EIF5B: variants seen among roughly 807,000 people sequenced by gnomAD.
The protein encoded by EIF5B is eukaryotic translation initiation factor 5B, also known as eIF-5B.
EIF5B carries 47 observed loss-of-function variants against 147.5 expected under a neutral mutation model. The ratio of observed to expected loss-of-function variants is 0.32; its 90% CI spans 0.25 to 0.41. The LOEUF is 0.41. EIF5B is among the 10% of genes least tolerant of loss of function. EIF5B has a pLI of 1.00. For synonymous variants in EIF5B, 455 were observed against 456.2 expected (o/e 1.00, Z 0.03); for missense variants, 1,064 against 1,413.2 (o/e 0.75, Z 3.96).
At position 99,373,814 on chromosome 2, in the gene EIF5B, T is replaced by C. The variant is rs574392243; in HGVS notation, c.1552+2084T>C. 3.3e-5 allele frequency among the ~76,000 whole-genome samples: 5 copies of C among 152,340 alleles called. No individual in the cohort carries two copies. In the East Asian group the frequency reaches 7.7e-4, roughly 23 times the overall value. ...TAATCATCTTTTGGTTACTAGGTTT[T>C]TAAATTTTTATTTTTTTTTCCTTTC... On this transcript the variant is annotated intron_variant, in intron 9 of 23. Coordinates refer to ENST00000289371, the MANE Select transcript of EIF5B (RefSeq NM_015904.4).
At position 99,394,610 on chromosome 2, in the gene EIF5B, G is replaced by C. The variant is rs1488025121; in HGVS notation, c.3089+25G>C. On this transcript the variant is annotated intron_variant, in intron 20 of 23. Coordinates refer to ENST00000289371, the MANE Select transcript of EIF5B (RefSeq NM_015904.4). ...AGTAAGTAATTTCTCTTGCTATGAA[G>C]GCTTTCATGTTACGTAGCTATCTTA... 8 of 1,613,648 alleles carry C rather than the reference G, an allele frequency of 5.0e-6. No individual in the cohort carries two copies. In the Admixed American group the frequency reaches 1.2e-4, roughly 24 times the overall value.
chr2:99,370,261 T>TA (rs540794954), intron 8 of EIF5B, among the ~76,000 whole-genome samples: 20 of 149,408 alleles, frequency 1.3e-4, no homozygotes, highest in East Asian at 2.0e-4. Flanking sequence ...TCTCTGGTTT[T>TA]AAAAAAAAAA....
chr2:99,361,674 A>G lies in EIF5B; in HGVS notation c.773A>G (p.Glu258Gly). The G allele has an allele frequency of 6.3e-7, 1 of 1,598,080 alleles. No homozygotes were observed. The highest frequency in any genetic ancestry group is 8.5e-7 in the Non-Finnish European group (1 of 1,176,392). Residue 258 changes from glutamate to glycine, a missense_variant, in exon 4 of 24, where the codon GAG (glutamate) becomes GGG (glycine). By Grantham distance (98) the Glu-to-Gly change is moderately conservative (BLOSUM62 -2). Around this residue, in one of 4 missense-constraint regions of EIF5B, gnomAD observed 458 missense variants for 451.3 expected, o/e 1.01. Coordinates refer to ENST00000289371, the MANE Select transcript of EIF5B (RefSeq NM_015904.4). Reference protein sequence around the residue: ...AKLRKLKEKEELETGKKDQSK... With the variant: ...AKLRKLKEKEGLETGKKDQSK... ...CTGCGGAAGCTGAAAGAAAAAGAAG[A>G]GTTAGAAACAGGTAAAAAGGATCAG...
At chr2:99,397,642 T>A (rs1675082602) in intron 22 of EIF5B, 3 of 151,846 alleles carry the variant, frequency 2.0e-5, no homozygotes, top group African/African-American at 7.3e-5. Context: ...CCAGCCTGTC[T>A]GACTGCTGCT....
chr2:99,364,301 A>C lies in EIF5B; in HGVS notation c.1168A>C (p.Lys390Gln). Residue 390 changes from lysine (K) to glutamine (Q), a missense_variant, in exon 6 of 24, where the codon AAA becomes CAA. By Grantham distance (53) the Lys-to-Gln change is moderately conservative. Coordinates refer to ENST00000289371, the MANE Select transcript of EIF5B (RefSeq NM_015904.4). ...ERLEQEKRER[K>Q]KQKEKERKER... The stretch of plus-strand genomic sequence containing the variant: ...ATTGGAACAAGAAAAAAGAGAAAGG[A>C]AAAAGCAAAAAGAAAAAGAAAGAAA... 1 of 1,604,682 alleles carries C rather than the reference A, an allele frequency of 6.2e-7. No individual in the cohort carries two copies. The highest frequency in any genetic ancestry group is 8.5e-7 in the Non-Finnish European group (1 of 1,177,580).
At chr2:99,394,987 C>T (rs537871307) in intron 21 of EIF5B, 104 bp downstream of exon 21, 3 of 1,078,808 alleles carry the variant, frequency 2.8e-6, no homozygotes, top group African/African-American at 3.2e-5. Context: ...GGCATTTACT[C>T]ATCTACCAGA....
At chr2:99,367,431 C>CTTTTTT (rs139007055) in intron 6 of EIF5B, among the ~76,000 whole-genome samples, 4 of 143,758 alleles carry the variant, frequency 2.8e-5, no homozygotes, top group Non-Finnish European at 3.0e-5. Context: ...AGTTGAAACT[C>CTTTTTT]TTTTTTTTTT....
In EIF5B at chr2:99,382,820, A is replaced by G; in HGVS notation, c.2170A>G (p.Ile724Val). The G allele has an allele frequency of 1.2e-6, 2 of 1,611,664 alleles. No homozygotes were observed. The highest frequency in any genetic ancestry group is 1.7e-6 in the Non-Finnish European group (2 of 1,179,266). The change falls in exon 14 of 24, where the codon ATT (isoleucine) becomes GTT (valine). Residue 724 changes from isoleucine (I) to valine (V), a missense_variant. Transcript: ENST00000289371. ...AGGAAGCTCTCTTTGTGACATTGCC[A>G]TTTTAGTTGTTGATATTATGCATGG... The part of the protein sequence containing the change: ...NRGSSLCDIA[I>V]LVVDIMHGLE...
At chr2:99,392,830 T>C (rs1327966818) in intron 17 of EIF5B, 137 bp from the exon 18 acceptor site, 3 of 683,020 alleles carry the variant, frequency 4.4e-6, no homozygotes, top group Admixed American at 7.9e-5. Flanking sequence ...GTTAAATTTA[T>C]CAGTCTTGTG....
chr2:99,364,556 C>T (rs909625342), intron 6 of EIF5B, 135 bp downstream of exon 6: 6 of 781,594 alleles, frequency 7.7e-6, no homozygotes, highest in South Asian at 6.6e-5. Flanking sequence ...TTCAGTAAAA[C>T]GTAAGGAATA....
intron 1 of EIF5B, among the ~76,000 whole-genome samples, chr2:99,357,250 G>A (rs1269020667): frequency 6.6e-6 from 1 of 152,068 alleles, no homozygotes; most frequent in Non-Finnish European, 1.5e-5. Context: ...TAAACTGTAG[G>A]AATTTCATAG....
chr2:99,382,697 G>A, intron 13 of EIF5B, 83 bp from the exon 14 acceptor site: 1 of 1,355,834 alleles, frequency 7.4e-7, no homozygotes, highest in Non-Finnish European at 9.8e-7. Flanking sequence ...TTTTGTTTGG[G>A]TTTTACAGAG....
intron 1 of EIF5B, among the ~76,000 whole-genome samples, chr2:99,339,288 C>G (rs1325171126): frequency 6.6e-6 from 1 of 151,978 alleles, no homozygotes; most frequent in East Asian, 1.9e-4. Context: ...GCTGGGATTA[C>G]AGGCGTGATC....
In EIF5B at chr2:99,399,414, A is replaced by AT. The variant is rs773528564; in HGVS notation, c.*6dup. On this transcript the variant is annotated 3_prime_UTR_variant, in exon 24 of 24. Transcript: ENST00000289371. ...TGAAGAAAGTATTTGAAATCATCTA[A>AT]TTTTTTCACATGGAGCAGGAACTGG... The AT allele has an allele frequency of 6.8e-6, 11 of 1,613,418 alleles. No homozygotes were observed. The South Asian group carries it at 8.8e-5, about 13-fold the overall frequency.
At chr2:99,366,088 T>TAC (rs3838486) in intron 6 of EIF5B, among the ~76,000 whole-genome samples, 22,142 of 151,914 alleles carry the variant, frequency 0.15, 1,771 homozygotes, top group East Asian at 0.26. Context: ...ACTAAGCATA[T>TAC]ACACACACAC....
intron 1 of EIF5B, 93 bp downstream of exon 1, chr2:99,337,682 C>T (rs2094246266): frequency 6.9e-7 from 1 of 1,453,806 alleles, no homozygotes; most frequent in Non-Finnish European, 9.2e-7. Context: ...GGGGTCTGGG[C>T]TCGCGATGAG....
At chr2:99,339,046 C>T (rs35637627) in intron 1 of EIF5B, among the ~76,000 whole-genome samples, 3 of 125,688 alleles carry the variant, frequency 2.4e-5, no homozygotes, top group African/African-American at 5.7e-5. Flanking sequence ...CCTCTTGTTG[C>T]CCAGACAACA....
chr2:99,358,803 A>G (rs1252833694), intron 1 of EIF5B, among the ~76,000 whole-genome samples: 1 of 152,178 alleles, frequency 6.6e-6, no homozygotes, highest in South Asian at 2.1e-4. Context: ...TTGGTACTGT[A>G]GGAAGTCACC....
Position 99,360,472 on chromosome 2 carries a change from G to A in EIF5B, c.169G>A (p.Asp57Asn). 8 of 1,613,190 alleles carry A rather than the reference G, an allele frequency of 5.0e-6. No individual in the cohort carries two copies. Among genetic ancestry groups the A allele is most frequent in the Non-Finnish European group, 6.8e-6 (8 of 1,179,624 alleles). The part of the protein sequence containing the change: ...EKKKQDFDED[D>N]ILKELEELSL... ...ATTTTAATCCTTTTCTAGTGAAGATGATATCCTGAAAGAACTGGAAGAATT... is the reference window on the plus strand; with the variant it reads ...ATTTTAATCCTTTTCTAGTGAAGATAATATCCTGAAAGAACTGGAAGAATT... Residue 57 changes from aspartate (D) to asparagine (N), a missense_variant, in exon 3 of 24, where the codon GAT becomes AAT. Coordinates refer to ENST00000289371, the MANE Select transcript of EIF5B (RefSeq NM_015904.4).
Sources: allele counts gnomAD v4.1 joint callset (sites outside exome capture counted in the v4.1 genomes callset), GRCh38; gene constraint gnomAD v4.1.1; regional missense constraint gnomAD v4.1.1; transcripts MANE v1.5; gene names NCBI Gene and HGNC (gene_info 2026-07-23, HGNC 2026-07-21).